Variants in CAPN15 observed in about 807,000 individuals in gnomAD.
CAPN15 encodes calpain 15, also known as calpain-15.
Under a neutral mutation model 97.9 loss-of-function variants are expected in CAPN15, and 53 were observed. The observed-to-expected ratio is 0.54, with a 90% CI of 0.43 to 0.68. CAPN15 has a LOEUF of 0.68. CAPN15 is among the 30% of genes least tolerant of loss of function. The pLI is 0.00. For synonymous variants in CAPN15, 922 were observed against 722.5 expected (o/e 1.28, Z -4.43); for missense variants, 1,592 against 1,589.8 (o/e 1.00, Z -0.02).
rs146305607 is a variant in CAPN15 at position 531,668 on chromosome 16, C to T, written c.-189-2278C>T. On this transcript the variant is annotated intron_variant, in intron 1 of 13. Transcript: ENST00000219611. ...CACGGCTCCCAAGGCCTCCGTCTCCCTCTCTGGGGTGACAGGTGCCCCCAG... is the reference window on the plus strand; with the variant it reads ...CACGGCTCCCAAGGCCTCCGTCTCCTTCTCTGGGGTGACAGGTGCCCCCAG... Among the ~76,000 whole-genome samples the T allele has an allele frequency of 7.2e-3, 836 of 116,544 alleles. 27 individuals are homozygous for T. Among genetic ancestry groups the T allele is most frequent in the African/African-American group, 0.024 (675 of 28,018 alleles). The allele number at this position is 116,544 out of a possible 152,430, so 76.5% of individuals were successfully genotyped here. A position where few individuals can be genotyped will look rare whatever the true frequency, so the allele number is the denominator to read the frequency against.
intron 3 of CAPN15, among the ~76,000 whole-genome samples, chr16:542,698 C>T (rs2034203794): frequency 6.6e-6 from 1 of 152,138 alleles, no homozygotes; most frequent in South Asian, 2.1e-4. Flanking sequence ...AGAGAACCTC[C>T]CATCTCAGCC....
chr16:548,610 G>A (rs1033240590), intron 4 of CAPN15, among the ~76,000 whole-genome samples: 1 of 152,240 alleles, frequency 6.6e-6, no homozygotes, highest in Admixed American at 6.5e-5. Context: ...TGGAGACCCC[G>A]CTGAAGTGCG....
Position 551,363 on chromosome 16 carries a change from A to C in CAPN15, c.2128A>C (p.Ser710Arg). The C allele has an allele frequency of 1.2e-6, 2 of 1,609,924 alleles. No homozygotes were observed. The highest frequency in any genetic ancestry group is 8.5e-7 in the Non-Finnish European group (1 of 1,178,808). ...GAAGGTGGACGATTCGGCCTACGAG[A>C]GCCTGGGCCTGCGCCCCCGGCATGC... is the stretch of plus-strand genomic sequence containing the variant. ...NMKVDDSAYESLGLRPRHAYS... is the reference protein window; with the variant it reads ...NMKVDDSAYERLGLRPRHAYS... Residue 710 changes from serine (S) to arginine (R), a missense_variant, in exon 8 of 14, where the codon AGC (serine) becomes CGC (arginine). Coordinates refer to ENST00000219611, the MANE Select transcript of CAPN15 (RefSeq NM_005632.3).
Position 545,586 on chromosome 16 carries a change from C to T in CAPN15, c.-22-1231C>T, listed in dbSNP as rs942906137. On this transcript the variant is annotated intron_variant, in intron 3 of 13. Transcript: ENST00000219611. ...CACCTGGGTTTTGCCAGGATGACTC[C>T]GAAAGGTGTCTCCCAGCAGACACAC... Among the ~76,000 whole-genome samples, 8 of 152,360 alleles carry T rather than the reference C, an allele frequency of 5.3e-5. No individual in the cohort carries two copies. The South Asian group carries it at 6.2e-4, about 12-fold the overall frequency.
At chr16:551,911 C>T (rs2035111335) in intron 9 of CAPN15, 140 bp from the exon 10 acceptor site, 8 of 1,067,974 alleles carry the variant, frequency 7.5e-6, no homozygotes, top group Admixed American at 4.2e-5. Context: ...GGGATGGGCC[C>T]CCGGGGGCCG....
chr16:550,107 C>T (rs1346546280), intron 7 of CAPN15, among the ~76,000 whole-genome samples: 1 of 131,652 alleles, frequency 7.6e-6, no homozygotes, highest in African/African-American at 4.5e-5. Context: ...GTGTGAGCGG[C>T]GTGTCGAGTT....
At chr16:553,135 ACAGG>A in intron 13 of CAPN15, 94 bp downstream of exon 13, 1 of 386,760 alleles carries the variant, frequency 2.6e-6, no homozygotes, top group Admixed American at 5.2e-5. Flanking sequence ...CCACCCCTGC[ACAGG>A]TGCCCCCTCC....
rs1268861196 is a variant in CAPN15, at chr16:547,681, T to C, written c.843T>C (p.Ala281=). The change falls in exon 4 of 14, where the codon GCT becomes GCC. Residue 281 remains alanine (A), a synonymous_variant. Transcript: ENST00000219611. ...CRGAPQGSGW[A]GASRLAELLS... ...GAGCCCCCCAGGGCTCGGGCTGGGC[T>C]GGGGCCTCCCGCCTAGCAGAGTTGC... 1 of 1,589,882 alleles carries C rather than the reference T, an allele frequency of 6.3e-7. No individual in the cohort carries two copies. The highest frequency in any genetic ancestry group is 8.6e-7 in the Non-Finnish European group (1 of 1,167,184).
At chr16:551,948 G>C (rs2035116264) in intron 9 of CAPN15, 103 bp from the exon 10 acceptor site, 1 of 1,272,512 alleles carries the variant, frequency 7.9e-7, no homozygotes. Context: ...TGACGGAGCA[G>C]CTGGCACCTG....
At chr16:545,383 AG>A (rs2034514841) in intron 3 of CAPN15, among the ~76,000 whole-genome samples, 2 of 151,888 alleles carry the variant, frequency 1.3e-5, no homozygotes. Context: ...CGGCCCACCG[AG>A]AGAGGCCGGC....
chr16:549,235 T>TGGGGGGG, intron 5 of CAPN15, 34 bp downstream of exon 5: 2 of 53,106 alleles, frequency 3.8e-5, no homozygotes, highest in South Asian at 1.5e-4. Context: ...GTGGGGCGGG[T>TGGGGGGG]GGGCGGGCGA....
At position 552,892 on chromosome 16, in the gene CAPN15, G is replaced by A. The variant is rs1016830609; in HGVS notation, c.2934G>A (p.Leu978=). 1 of 1,609,562 alleles carries A rather than the reference G, an allele frequency of 6.2e-7. No individual in the cohort carries two copies. Among genetic ancestry groups the A allele is most frequent in the East Asian group, 2.2e-5 (1 of 44,798 alleles). The part of the protein sequence containing the change: ...EGREGMTCYY[L]THGWAGLIVV... Reference sequence around the variant, plus strand: ...GTGAGGGCATGACCTGCTACTACCTGACACACGGTTGGGCGGGGCTCATCG... The same window carrying A: ...GTGAGGGCATGACCTGCTACTACCTAACACACGGTTGGGCGGGGCTCATCG... Residue 978 remains leucine, a synonymous_variant, in exon 13 of 14, where the codon CTG becomes CTA. Transcript: ENST00000219611. The surrounding 1 kb of genome is among the most constrained non-coding windows in gnomAD (Gnocchi z 6.4).
chr16:552,412 G>A lies in CAPN15; in HGVS notation c.2619G>A (p.Lys873=). ...TGGGCCGCCTCCTGGCCCACAGTAA[G>A]CGCGCGGTCAAGAAGTTCGTCAGCT... The part of the protein sequence containing the change: ...LSLGRLLAHS[K]RAVKKFVSCD... The change falls in exon 11 of 14, where the codon AAG becomes AAA. Residue 873 remains lysine (K), a synonymous_variant. Coordinates refer to ENST00000219611, the MANE Select transcript of CAPN15 (RefSeq NM_005632.3). The surrounding 1 kb of genome is among the most constrained non-coding windows in gnomAD (Gnocchi z 6.4). 1.2e-6 allele frequency: 2 copies of A among 1,609,356 alleles called. No individual in the cohort carries two copies. The highest frequency in any genetic ancestry group is 1.7e-6 in the Non-Finnish European group (2 of 1,179,522).
In CAPN15 at chr16:546,956, C is replaced by T. The variant is rs1431776181; in HGVS notation, c.118C>T (p.Arg40Trp). The change falls in exon 4 of 14, where the codon CGG (arginine) becomes TGG (tryptophan). Residue 40 changes from arginine (R) to tryptophan (W), a missense_variant. Physicochemically the swap from Arg to Trp is moderately radical, Grantham distance 101. Coordinates refer to ENST00000219611, the MANE Select transcript of CAPN15 (RefSeq NM_005632.3). ...CAAGCCCGACCTCAACCACATCCTG[C>T]GGCTCAGCGTGGAGGAGCAGAAATG... is the stretch of plus-strand genomic sequence containing the variant. ...RHKPDLNHIL[R>W]LSVEEQKWPC... 6 of 1,610,310 alleles carry T rather than the reference C, an allele frequency of 3.7e-6. No homozygotes were observed. The highest frequency in any genetic ancestry group is 1.1e-5 in the South Asian group (1 of 91,092).
At chr16:539,891 G>A (rs1596331153) in intron 3 of CAPN15, 1 of 159,020 alleles carries the variant, frequency 6.3e-6, no homozygotes, top group Non-Finnish European at 1.3e-5. Flanking sequence ...TTGGGGGCCG[G>A]GGGGTGTCCT....
At position 551,354 on chromosome 16, in the gene CAPN15, G is replaced by T. The variant is rs768126251; in HGVS notation, c.2119G>T (p.Ala707Ser). The T allele has an allele frequency of 2.3e-5, 37 of 1,609,028 alleles. No homozygotes were observed. Among genetic ancestry groups the T allele is most frequent in the Non-Finnish European group, 3.1e-5 (36 of 1,178,604 alleles). ...GGGNMKVDDSAYESLGLRPRH... is the reference protein window; with the variant it reads ...GGGNMKVDDSSYESLGLRPRH... ...GGGCAACATGAAGGTGGACGATTCGGCCTACGAGAGCCTGGGCCTGCGCCC... is the reference window on the plus strand; with the variant it reads ...GGGCAACATGAAGGTGGACGATTCGTCCTACGAGAGCCTGGGCCTGCGCCC... The change falls in exon 8 of 14, where the codon GCC (alanine) becomes TCC (serine). Residue 707 changes from alanine (A) to serine (S), a missense_variant. Coordinates refer to ENST00000219611, the MANE Select transcript of CAPN15 (RefSeq NM_005632.3).
At position 549,336 on chromosome 16, in the gene CAPN15, G is replaced by A. The variant is rs1328389023; in HGVS notation, c.1707G>A (p.Glu569=). 1 of 1,594,948 alleles carries A rather than the reference G, an allele frequency of 6.3e-7. No individual in the cohort carries two copies. Among genetic ancestry groups the A allele is most frequent in the Non-Finnish European group, 8.5e-7 (1 of 1,177,252 alleles). Residue 569 remains glutamate (E), a synonymous_variant, in exon 6 of 14, where the codon GAG becomes GAA. Transcript: ENST00000219611. The stretch of plus-strand genomic sequence containing the variant: ...TGGCGGAGCGGCCGGACCTGGTGGA[G>A]CGGGTGATGGTCACGCGCAGCCTGT... ...AVLAERPDLV[E]RVMVTRSLCA... is the part of the protein sequence containing the mutation.
chr16:537,031 C>A, intron 3 of CAPN15: 2 of 590,904 alleles, frequency 3.4e-6, no homozygotes, highest in Non-Finnish European at 4.3e-6. Flanking sequence ...TCAGCGATAC[C>A]ATCTCTGGAG....
In CAPN15 at chr16:527,877, AG is replaced by A. The variant is rs1480557710; in HGVS notation, c.-340del. ...GGGCGCCCCGCGGCTGAGGAGCGGG[AG>A]GCCGTCCGGGCAGCGCGGCCGGCGG... is the stretch of plus-strand genomic sequence containing the variant. On this transcript the variant is annotated 5_prime_UTR_variant, in exon 1 of 14. Coordinates refer to ENST00000219611, the MANE Select transcript of CAPN15 (RefSeq NM_005632.3). 1 of 145,470 alleles carries A rather than the reference AG, an allele frequency of 6.9e-6. No individual in the cohort carries two copies. The highest frequency in any genetic ancestry group is 1.5e-5 in the Non-Finnish European group (1 of 65,586). 9.0% of individuals were successfully genotyped at this position (145,470 alleles called of 1,614,324 possible).
Sources: gnomAD v4.1 joint callset for allele counts (sites outside exome capture counted in the v4.1 genomes callset) on GRCh38, gnomAD v4.1.1 for gene constraint, Gnocchi (gnomAD v3.1) non-coding constraint, MANE v1.5 for transcripts, NCBI Gene and HGNC (gene_info 2026-07-23, HGNC 2026-07-21) for gene names.